The following ATG4A variants were observed in gnomAD, a reference collection of about 807,000 sequenced individuals.
ATG4A encodes the protein autophagy related 4A cysteine peptidase, also known as cysteine protease ATG4A.
Under a neutral mutation model 38.4 loss-of-function variants are expected in ATG4A, and 22 were observed. That is an observed-to-expected ratio of 0.57 (90% CI 0.41 to 0.82). ATG4A has a LOEUF of 0.82. Ranked by LOEUF, ATG4A falls within the 40% of genes least tolerant of loss-of-function variation. The probability of loss-of-function intolerance (pLI) is 0.00; values close to 1 mark genes in which losing one functional copy is unlikely to be tolerated. For missense variants in ATG4A, 220 were observed against 290.0 expected (o/e 0.76, Z 1.75); for synonymous variants, 86 against 100.7 (o/e 0.85, Z 0.88).
At chrX:108,141,164 A>G (rs971436263) in intron 9 of ATG4A, among the ~76,000 whole-genome samples, 1 of 92,890 alleles carries the variant, frequency 1.1e-5, no homozygotes, top group East Asian at 3.3e-4. Context: ...CTGCTGGCAA[A>G]TTGGGCACTC....
intron 9 of ATG4A, chrX:108,143,661 G>A (rs2033357136): frequency 9.4e-6 from 2 of 211,654 alleles, no homozygotes; most frequent in African/African-American, 3.1e-5. Flanking sequence ...TAATGGAACT[G>A]TTGTGTCTCC....
At chrX:108,146,909 G>C in intron 9 of ATG4A, among the ~76,000 whole-genome samples, 1 of 112,060 alleles carries the variant, frequency 8.9e-6, no homozygotes, top group African/African-American at 3.2e-5. Flanking sequence ...AACATAGTGG[G>C]CCCAAATCAA....
upstream of ATG4A, chrX:108,088,950 T>C (rs1387065640): frequency 1.2e-5 from 7 of 597,240 alleles, no homozygotes; most frequent in East Asian, 2.0e-4. Flanking sequence ...AAATACGAAA[T>C]GCAGAGCACT....
chrX:108,105,463 A>G (rs2032144136), intron 1 of ATG4A, among the ~76,000 whole-genome samples: 2 of 110,994 alleles, frequency 1.8e-5, no homozygotes, highest in African/African-American at 3.3e-5. Context: ...TTTTGTTCTC[A>G]GTGGTCATCA....
intron 1 of ATG4A, among the ~76,000 whole-genome samples, chrX:108,103,592 A>G (rs1011956592): frequency 4.6e-5 from 5 of 108,475 alleles, no homozygotes; most frequent in Admixed American, 1.9e-4. Context: ...GGTTTCATTG[A>G]TTTTTTTGTA....
chrX:108,106,236 T>C (rs188252499), intron 1 of ATG4A, among the ~76,000 whole-genome samples: 1 of 111,833 alleles, frequency 8.9e-6, no homozygotes, highest in Admixed American at 9.5e-5. Flanking sequence ...AACTTTCTTG[T>C]TTCCTTTCTG....
chrX:108,090,683 C>T (rs1230338796), upstream of ATG4A, among the ~76,000 whole-genome samples: 1 of 112,015 alleles, frequency 8.9e-6, no homozygotes, highest in Non-Finnish European at 1.9e-5. Flanking sequence ...TGTGGGCTTA[C>T]TAAAGGCACC....
intron 12 of ATG4A, among the ~76,000 whole-genome samples, chrX:108,153,326 A>G (rs1267239466): frequency 8.9e-6 from 1 of 112,439 alleles, no homozygotes; most frequent in Middle Eastern, 4.2e-3. Context: ...AATCAAGATG[A>G]CTAGGATTGC....
chrX:108,150,406 T>A, intron 10 of ATG4A, 109 bp downstream of exon 10: 1 of 1,020,445 alleles, frequency 9.8e-7, no homozygotes. Context: ...TTGCTCACTA[T>A]CCCCATTAGA....
At chrX:108,142,091 A>G (rs946240517) in intron 9 of ATG4A, among the ~76,000 whole-genome samples, 3 of 111,327 alleles carry the variant, frequency 2.7e-5, no homozygotes, top group African/African-American at 6.5e-5. Flanking sequence ...TCTTATAAGC[A>G]CTCTCAGAAA....
At chrX:108,150,076 A>G in intron 9 of ATG4A, 76 bp from the exon 10 acceptor site, 3 of 1,092,444 alleles carry the variant, frequency 2.7e-6, no homozygotes, top group Non-Finnish European at 3.7e-6. Context: ...AGAGAACCAG[A>G]GTGCCTCCTC....
intron 2 of ATG4A, among the ~76,000 whole-genome samples, chrX:108,128,513 G>A (rs2032862306): frequency 9.0e-6 from 1 of 111,618 alleles, no homozygotes; most frequent in South Asian, 3.8e-4. Context: ...CCCAGTGTTT[G>A]TAACTGCCAG....
intron 1 of ATG4A, among the ~76,000 whole-genome samples, chrX:108,118,704 C>G (rs981885832): frequency 1.8e-5 from 2 of 111,559 alleles, no homozygotes; most frequent in African/African-American, 6.5e-5. Flanking sequence ...GTGCTGTCAT[C>G]TGGAATATTC....
intron 2 of ATG4A, 136 bp downstream of exon 2, chrX:108,126,323 T>C: frequency 2.0e-6 from 1 of 496,811 alleles, no homozygotes; most frequent in East Asian, 3.8e-5. Context: ...TGGATTTAAC[T>C]TGTAGTCAAA....
chrX:108,150,528 A>G (rs1403606278), intron 10 of ATG4A, among the ~76,000 whole-genome samples: 1 of 112,886 alleles, frequency 8.9e-6, no homozygotes, highest in Admixed American at 9.3e-5. Context: ...CTGCTGATAA[A>G]GACATACCTG....
intron 1 of ATG4A, among the ~76,000 whole-genome samples, chrX:108,108,670 G>C (rs1457865460): frequency 1.8e-5 from 2 of 110,892 alleles, no homozygotes; most frequent in Non-Finnish European, 3.8e-5. Context: ...AATTCAGTAG[G>C]ATTAAGTATA....
chrX:108,132,300 G>C (rs2032978378), intron 4 of ATG4A, among the ~76,000 whole-genome samples: 1 of 112,525 alleles, frequency 8.9e-6, no homozygotes, highest in Non-Finnish European at 1.9e-5. Flanking sequence ...AGGCACTTGG[G>C]TGAAGGTCCA....
intron 1 of ATG4A, among the ~76,000 whole-genome samples, chrX:108,096,549 G>A (rs1410722545): frequency 8.9e-6 from 1 of 112,254 alleles, no homozygotes; most frequent in East Asian, 2.8e-4. Flanking sequence ...AATGCATCAA[G>A]TACTTGGATC....
At chrX:108,125,523 CT>C (rs1406529518) in intron 1 of ATG4A, among the ~76,000 whole-genome samples, 2 of 112,453 alleles carry the variant, frequency 1.8e-5, no homozygotes, top group Non-Finnish European at 3.7e-5. Context: ...CAAGATCCTT[CT>C]TTGCAGAAGC....
Sources: gnomAD v4.1 joint callset for allele counts (sites outside exome capture counted in the v4.1 genomes callset) on GRCh38, gnomAD v4.1.1 for gene constraint, MANE v1.5 for transcripts, NCBI Gene and HGNC (gene_info 2026-07-23, HGNC 2026-07-21) for gene names.